RPS6KA2: variants seen among roughly 807,000 people sequenced by gnomAD.
RPS6KA2 encodes ribosomal protein S6 kinase alpha-2.
In RPS6KA2, 42 loss-of-function variants were observed where a neutral mutation model predicts 91.8. The ratio of observed to expected loss-of-function variants is 0.46; its 90% CI spans 0.36 to 0.59. The LOEUF is 0.59. RPS6KA2 is among the 20% of genes least tolerant of loss of function. The pLI is 0.00. For synonymous variants in RPS6KA2, 414 were observed against 393.6 expected, an observed-to-expected ratio of 1.05 and a Z score of -0.61; for missense variants, 798 against 978.5, an observed-to-expected ratio of 0.82 and a Z score of 2.46.
At chr6:166,436,542 C>T (rs1173957373) in intron 14 of RPS6KA2, among the ~76,000 whole-genome samples, 1 of 152,198 alleles carries the variant, frequency 6.6e-6, no homozygotes, top group Non-Finnish European at 1.5e-5. Flanking sequence ...TGCGCCCTGA[C>T]AGGGGCTGTG....
At chr6:166,756,959 G>A (rs1281221683) in intron 2 of RPS6KA2, among the ~76,000 whole-genome samples, 6 of 152,212 alleles carry the variant, frequency 3.9e-5, no homozygotes, top group East Asian at 1.9e-4. Flanking sequence ...TGATGAAAAC[G>A]TCGCGGAGAT....
chr6:166,856,188 T>C (rs1030535935), intron 2 of RPS6KA2, among the ~76,000 whole-genome samples: 1 of 152,216 alleles, frequency 6.6e-6, no homozygotes, highest in Non-Finnish European at 1.5e-5. Context: ...AAAACTCATA[T>C]GTTAAAATCC....
chr6:166,672,671 G>C (rs1055818283), intron 2 of RPS6KA2, among the ~76,000 whole-genome samples: 1 of 152,198 alleles, frequency 6.6e-6, no homozygotes, highest in Non-Finnish European at 1.5e-5. Flanking sequence ...CTGAGAGAAA[G>C]GAATGACATT....
chr6:166,475,871 CT>C, intron 10 of RPS6KA2: 3 of 524,198 alleles, frequency 5.7e-6, no homozygotes, highest in South Asian at 4.3e-5. Context: ...TGAGATGCGT[CT>C]GTATTTCTGG....
chr6:166,570,966 T>C (rs1470177052), intron 1 of RPS6KA2, among the ~76,000 whole-genome samples: 1 of 152,224 alleles, frequency 6.6e-6, no homozygotes, highest in Non-Finnish European at 1.5e-5. Flanking sequence ...GGCAAACTTT[T>C]TCTAAACTTT....
chr6:166,702,339 G>A, intron 2 of RPS6KA2: 2 of 1,612,420 alleles, frequency 1.2e-6, no homozygotes, highest in Non-Finnish European at 1.7e-6. Flanking sequence ...TGCAGAAAGG[G>A]GTTTTGCTGG....
At chr6:166,685,391 G>A (rs1347160242) in intron 2 of RPS6KA2, among the ~76,000 whole-genome samples, 3 of 152,210 alleles carry the variant, frequency 2.0e-5, no homozygotes, top group African/African-American at 7.2e-5. Context: ...GCTGAGAAGG[G>A]CAATGGTTAA....
intron 2 of RPS6KA2, among the ~76,000 whole-genome samples, chr6:166,799,759 A>AT (rs55805484): frequency 0.96 from 144,659 of 151,120 alleles, 69,533 homozygotes; most frequent in Non-Finnish European, 1. Flanking sequence ...TTAGCTGAGT[A>AT]TTTTTTTTTA....
chr6:166,724,867 C>T (rs1790287875), intron 2 of RPS6KA2, among the ~76,000 whole-genome samples: 1 of 151,852 alleles, frequency 6.6e-6, no homozygotes, highest in African/African-American at 2.4e-5. Flanking sequence ...TAGCTCACGC[C>T]CTCCCCTCCT....
intron 2 of RPS6KA2, among the ~76,000 whole-genome samples, chr6:166,853,579 G>A (rs1780803315): frequency 6.6e-6 from 1 of 151,848 alleles, no homozygotes; most frequent in Non-Finnish European, 1.5e-5. Flanking sequence ...GAGGAGGCTG[G>A]CCGAGCGCAG....
At chr6:166,512,192 T>C (rs1782496253) in intron 3 of RPS6KA2, among the ~76,000 whole-genome samples, 1 of 152,118 alleles carries the variant, frequency 6.6e-6, no homozygotes, top group Admixed American at 6.5e-5. Context: ...CCTCAGGACA[T>C]TATGCTAAGT....
intron 1 of RPS6KA2, among the ~76,000 whole-genome samples, chr6:166,602,974 T>C (rs1785804749): frequency 6.6e-6 from 1 of 152,186 alleles, no homozygotes; most frequent in Admixed American, 6.5e-5. Flanking sequence ...ACAGTGAGAA[T>C]CTGGAGAGAG....
rs79566727 is a variant in RPS6KA2 at position 166,827,320 on chromosome 6, C to T, written c.123+30880G>A. ...GGAAGGACACCTGCCCCGAAACTGCCTGTCCAACCTCGGACTGTAGGAACA... is the reference window on the plus strand; with the variant it reads ...GGAAGGACACCTGCCCCGAAACTGCTTGTCCAACCTCGGACTGTAGGAACA... On this transcript the variant is annotated intron_variant, in intron 2 of 21. Transcript: ENST00000503859. Among the ~76,000 whole-genome samples, 476 of 150,090 alleles carry T rather than the reference C, an allele frequency of 3.2e-3. 1 individual carries two copies. Among genetic ancestry groups the T allele is most frequent in the African/African-American group, 0.011 (461 of 40,818 alleles).
intron 2 of RPS6KA2, among the ~76,000 whole-genome samples, chr6:166,677,158 G>T (rs1288496081): frequency 6.6e-6 from 1 of 152,190 alleles, no homozygotes; most frequent in African/African-American, 2.4e-5. Flanking sequence ...AAAGCTTGAG[G>T]TAGTACTAGG....
intron 6 of RPS6KA2, among the ~76,000 whole-genome samples, chr6:166,502,017 G>A (rs115816393): frequency 0.015 from 2,326 of 152,290 alleles, 68 homozygotes; most frequent in African/African-American, 0.054. Context: ...GTCCCTAGAG[G>A]GGCCAGAGTC....
intron 2 of RPS6KA2, among the ~76,000 whole-genome samples, chr6:166,646,112 G>C (rs1374030165): frequency 6.6e-6 from 1 of 152,196 alleles, no homozygotes; most frequent in African/African-American, 2.4e-5. Flanking sequence ...ATTTGCCATG[G>C]TCCCTGAGCA....
At chr6:166,579,752 T>C (rs1784948028) in intron 1 of RPS6KA2, among the ~76,000 whole-genome samples, 1 of 152,212 alleles carries the variant, frequency 6.6e-6, no homozygotes, top group Non-Finnish European at 1.5e-5. Context: ...ATTTCACGAT[T>C]TGACATTTTC....
chr6:166,792,009 A>G (rs1353511107), intron 2 of RPS6KA2, among the ~76,000 whole-genome samples: 2 of 152,168 alleles, frequency 1.3e-5, no homozygotes, highest in African/African-American at 4.8e-5. Flanking sequence ...AGAAATAACT[A>G]AGATCAGAAC....
intron 17 of RPS6KA2, among the ~76,000 whole-genome samples, chr6:166,422,382 G>T (rs60789228): frequency 6.6e-6 from 1 of 152,022 alleles, no homozygotes; most frequent in African/African-American, 2.4e-5. Context: ...AAGACCCACA[G>T]TGAGATGCCA....
Sources: gnomAD v4.1 joint callset for allele counts (sites outside exome capture counted in the v4.1 genomes callset) on GRCh38, gnomAD v4.1.1 for gene constraint, MANE v1.5 for transcripts, NCBI Gene and HGNC (gene_info 2026-07-23, HGNC 2026-07-21) for gene names.